GALNT8: variants seen among roughly 807,000 people sequenced by gnomAD.
The protein encoded by GALNT8 is polypeptide N-acetylgalactosaminyltransferase 8.
GALNT8 carries 66 observed loss-of-function variants against 62.7 expected under a neutral mutation model. The observed-to-expected ratio is 1.05, with a 90% CI of 0.86 to 1.29. The LOEUF (loss-of-function observed/expected upper bound fraction) is 1.29. GALNT8 is among the 50% of genes most tolerant of loss of function. The pLI, the probability that GALNT8 is intolerant of heterozygous loss-of-function variation, is 0.00. For synonymous variants in GALNT8, 288 were observed against 294.3 expected (o/e 0.98, Z 0.22); for missense variants, 771 against 791.8 (o/e 0.97, Z 0.32).
intron 2 of GALNT8, among the ~76,000 whole-genome samples, chr12:4,729,010 C>A (rs1033963428): frequency 1.3e-5 from 2 of 152,046 alleles, no homozygotes; most frequent in African/African-American, 2.4e-5. Flanking sequence ...GAAATCTTTC[C>A]ATTTATTTAG....
Position 4,726,612 on chromosome 12 carries a change from C to T in GALNT8, c.292C>T (p.Leu98Phe), listed in dbSNP as rs1243499342. The part of the protein sequence containing the change: ...LKRAKDEVRP[L>F]LKAMETKVNE... ...GAGGGCGAAAGATGAAGTACGCCCT[C>T]TTCTAAAGGCAATGGAAACCAAGGT... Residue 98 changes from leucine (L) to phenylalanine (F), a missense_variant, in exon 2 of 11, where the codon CTT becomes TTT. Physicochemically the swap from Leu to Phe is conservative, Grantham distance 22 (BLOSUM62 0). Coordinates refer to ENST00000252318, the MANE Select transcript of GALNT8 (RefSeq NM_017417.2). This position sits in a 1 kb window ranked among gnomAD's most constrained non-coding sequence, Gnocchi z 4.1. 6.2e-7 allele frequency: 1 copy of T among 1,613,620 alleles called. No individual in the cohort carries two copies. The highest frequency in any genetic ancestry group is 2.2e-5 in the East Asian group (1 of 44,866).
At chr12:4,741,341 C>T (rs1476951509) in intron 3 of GALNT8, among the ~76,000 whole-genome samples, 1 of 152,096 alleles carries the variant, frequency 6.6e-6, no homozygotes, top group African/African-American at 2.4e-5. Flanking sequence ...AGAAAAGAGA[C>T]TAGTTTCATT....
In GALNT8 at chr12:4,761,012, C is replaced by T; in HGVS notation, c.1228C>T (p.Leu410=). The change falls in exon 7 of 11, where the codon CTA becomes TTA. Residue 410 remains leucine (L), a synonymous_variant. Transcript: ENST00000252318. ...EILPCSRIAH[L]ERHHKPYALD... Reference sequence around the variant, plus strand: ...TTTGCCCTGTTCCCGGATTGCCCACCTAGAGAGACACCACAAGCCCTACGC... The same window carrying T: ...TTTGCCCTGTTCCCGGATTGCCCACTTAGAGAGACACCACAAGCCCTACGC... The T allele has an allele frequency of 6.2e-7, 1 of 1,614,086 alleles. No homozygotes were observed. Among genetic ancestry groups the T allele is most frequent in the Non-Finnish European group, 8.5e-7 (1 of 1,179,988 alleles).
At chr12:4,735,738 G>A (rs1946241638) in intron 2 of GALNT8, among the ~76,000 whole-genome samples, 1 of 152,082 alleles carries the variant, frequency 6.6e-6, no homozygotes, top group South Asian at 2.1e-4. Flanking sequence ...AGCTCCAGGG[G>A]GCTGCCACCT....
Position 4,721,508 on chromosome 12 carries a change from A to G in GALNT8, c.211+620A>G, listed in dbSNP as rs376088135. ...TAAACACGTGAACAAAGGTCTCTGCATCATAGACAAGGTAAAGAATTAAGT... is the reference window on the plus strand; with the variant it reads ...TAAACACGTGAACAAAGGTCTCTGCGTCATAGACAAGGTAAAGAATTAAGT... On this transcript the variant is annotated intron_variant, in intron 1 of 10. Transcript: ENST00000252318. 1.2e-3 allele frequency among the ~76,000 whole-genome samples: 178 copies of G among 152,278 alleles called. 1 individual carries two copies. Among genetic ancestry groups the G allele is most frequent in the African/African-American group, 4.1e-3 (170 of 41,560 alleles).
At chr12:4,725,324 C>T (rs1443921657) in intron 1 of GALNT8, among the ~76,000 whole-genome samples, 2 of 152,146 alleles carry the variant, frequency 1.3e-5, no homozygotes, top group Non-Finnish European at 2.9e-5. Context: ...TAATAGATGA[C>T]GTCATGGATC....
chr12:4,727,465 T>A (rs1363151822), intron 2 of GALNT8, among the ~76,000 whole-genome samples: 1 of 152,226 alleles, frequency 6.6e-6, no homozygotes, highest in Admixed American at 6.5e-5. Context: ...TTTTAAAACA[T>A]TTTCATCACT....
At chr12:4,728,786 A>T (rs190142855) in intron 2 of GALNT8, among the ~76,000 whole-genome samples, 1 of 152,196 alleles carries the variant, frequency 6.6e-6, no homozygotes, top group Non-Finnish European at 1.5e-5. Flanking sequence ...GAAATTGAAA[A>T]TGTGAATCTT....
At chr12:4,742,295 C>T (rs1338760262) in intron 3 of GALNT8, among the ~76,000 whole-genome samples, 2 of 152,210 alleles carry the variant, frequency 1.3e-5, no homozygotes, top group African/African-American at 4.8e-5. Context: ...GCTTTATTCA[C>T]ATCACTCAAA....
intron 2 of GALNT8, among the ~76,000 whole-genome samples, chr12:4,735,813 C>T (rs555380068): frequency 2.6e-5 from 4 of 152,294 alleles, no homozygotes; most frequent in African/African-American, 7.2e-5. Context: ...CTTCTGTCTC[C>T]ACCTCCAGCT....
chr12:4,725,613 T>G (rs1004299858), intron 1 of GALNT8, among the ~76,000 whole-genome samples: 55 of 145,562 alleles, frequency 3.8e-4, no homozygotes, highest in Non-Finnish European at 7.1e-4. Flanking sequence ...TGGAGTGCAG[T>G]GGCACAATCT....
chr12:4,764,134 A>C, intron 9 of GALNT8, 87 bp downstream of exon 9: 2 of 800,348 alleles, frequency 2.5e-6, no homozygotes, highest in Middle Eastern at 4.5e-4. Context: ...GGACTCCGTG[A>C]TACGTGATGG....
intron 1 of GALNT8, among the ~76,000 whole-genome samples, chr12:4,724,148 CAAAAAAAAAAAAA>C (rs11456593): frequency 4.2e-5 from 2 of 48,092 alleles, no homozygotes; most frequent in African/African-American, 1.9e-4. Flanking sequence ...GACTCCGTCT[CAAAAAAAAAAAAA>C]AAAAAAAAAA....
At chr12:4,722,728 G>A (rs1946176585) in intron 1 of GALNT8, among the ~76,000 whole-genome samples, 1 of 152,180 alleles carries the variant, frequency 6.6e-6, no homozygotes, top group Non-Finnish European at 1.5e-5. Flanking sequence ...CCAGGTGTGT[G>A]CACATGGGGC....
At chr12:4,756,942 AC>A (rs1946347768) in intron 6 of GALNT8, among the ~76,000 whole-genome samples, 1 of 152,166 alleles carries the variant, frequency 6.6e-6, no homozygotes, top group East Asian at 1.9e-4. Context: ...CAAAGGAGAG[AC>A]CAGGTGGAGG....
intron 6 of GALNT8, among the ~76,000 whole-genome samples, chr12:4,751,754 T>G (rs1946323106): frequency 6.6e-6 from 1 of 152,166 alleles, no homozygotes; most frequent in African/African-American, 2.4e-5. Flanking sequence ...TCTGTAAATA[T>G]CTATTAGATA....
intron 6 of GALNT8, among the ~76,000 whole-genome samples, chr12:4,752,759 A>T (rs1398830384): frequency 2.0e-5 from 3 of 152,162 alleles, no homozygotes; most frequent in Non-Finnish European, 4.4e-5. Context: ...ACTGACTATC[A>T]CCAGTGAATT....
intron 10 of GALNT8, among the ~76,000 whole-genome samples, chr12:4,770,123 G>A (rs1946416414): frequency 1.3e-5 from 2 of 152,018 alleles, no homozygotes; most frequent in Admixed American, 6.6e-5. Context: ...CCAACATGGT[G>A]AAATCCTGTC....
intron 6 of GALNT8, among the ~76,000 whole-genome samples, chr12:4,756,569 C>A (rs1421138876): frequency 1.6e-5 from 2 of 128,942 alleles, no homozygotes; most frequent in East Asian, 4.6e-4. Flanking sequence ...ATAAGATGAC[C>A]TTTTTTCCCC....
Sources: allele counts gnomAD v4.1 joint callset (sites outside exome capture counted in the v4.1 genomes callset), GRCh38; gene constraint gnomAD v4.1.1; non-coding constraint Gnocchi (gnomAD v3.1); transcripts MANE v1.5; gene names NCBI Gene and HGNC (gene_info 2026-07-23, HGNC 2026-07-21).